CRYBG1: variants seen among roughly 807,000 people sequenced by gnomAD.
CRYBG1 encodes crystallin beta-gamma domain containing 1, also known as beta/gamma crystallin domain-containing protein 1.
In CRYBG1, 139 loss-of-function variants were observed where a neutral mutation model predicts 189.2. That is an observed-to-expected ratio of 0.73 (90% CI 0.64 to 0.85). The LOEUF is 0.85. CRYBG1 is among the 40% of genes least tolerant of loss of function. The pLI is 0.00. For missense variants in CRYBG1, 2,611 were observed against 2,675.8 expected (o/e 0.98, Z 0.53); for synonymous variants, 1,023 against 1,017.1 (o/e 1.01, Z -0.11).
chr6:106,518,168 T>G (rs199588875), intron 3 of CRYBG1, among the ~76,000 whole-genome samples: 1 of 91,482 alleles, frequency 1.1e-5, no homozygotes, highest in Admixed American at 1.1e-4. Flanking sequence ...TTCAAAATAT[T>G]TAATTATGCA....
At chr6:106,552,408 A>G (rs1173210861) in intron 15 of CRYBG1, 192 bp downstream of exon 15, 2 of 296,356 alleles carry the variant, frequency 6.7e-6, no homozygotes, top group Non-Finnish European at 1.3e-5. Flanking sequence ...CAACATGGGG[A>G]AACCCCGTCT....
intron 2 of CRYBG1, among the ~76,000 whole-genome samples, chr6:106,455,826 T>A (rs1771875954): frequency 6.6e-6 from 1 of 152,214 alleles, no homozygotes; most frequent in Non-Finnish European, 1.5e-5. Flanking sequence ...AGCTGCTGTT[T>A]CCCATTTTCT....
At chr6:106,389,354 C>T (rs1432145261) in intron 1 of CRYBG1, among the ~76,000 whole-genome samples, 1 of 151,982 alleles carries the variant, frequency 6.6e-6, no homozygotes, top group Non-Finnish European at 1.5e-5. Context: ...AAATTGGGCA[C>T]CCTTGATTTG....
intron 1 of CRYBG1, among the ~76,000 whole-genome samples, chr6:106,430,553 G>T (rs1049859544): frequency 1.3e-5 from 2 of 152,164 alleles, no homozygotes; most frequent in African/African-American, 4.8e-5. Flanking sequence ...ATGCATCTGG[G>T]ACTTTCTGAG....
At chr6:106,371,936 C>T (rs996200767) in intron 1 of CRYBG1, among the ~76,000 whole-genome samples, 3 of 152,210 alleles carry the variant, frequency 2.0e-5, no homozygotes, top group Middle Eastern at 3.4e-3. Flanking sequence ...TTTTGTATGC[C>T]CATGAGGAAA....
intron 1 of CRYBG1, among the ~76,000 whole-genome samples, chr6:106,401,424 A>G (rs1484967805): frequency 8.1e-6 from 1 of 123,222 alleles, no homozygotes; most frequent in East Asian, 2.4e-4. Context: ...TTTTTATTAT[A>G]CTCTAAGTTT....
At chr6:106,371,711 C>A (rs533685) in intron 1 of CRYBG1, among the ~76,000 whole-genome samples, 1 of 152,078 alleles carries the variant, frequency 6.6e-6, no homozygotes, top group Non-Finnish European at 1.5e-5. Context: ...TTGTCTAAAA[C>A]TAGATTTTGG....
rs1257886402 is a variant in CRYBG1 at position 106,451,652 on chromosome 6, G to T, written c.174-42G>T. The stretch of plus-strand genomic sequence containing the variant: ...TTGGGTTTCTTGAGATTTTGGCATT[G>T]TTCATAGTGTATTGACATGACTGTG... On this transcript the variant is annotated intron_variant, in intron 1 of 21. Transcript: ENST00000633556. The T allele has an allele frequency of 6.1e-6, 9 of 1,487,280 alleles. No individual in the cohort carries two copies. In the South Asian group the frequency reaches 7.8e-5, roughly 13 times the overall value. 92.1% of individuals were successfully genotyped at this position (1,487,280 alleles called of 1,614,324 possible). A position where few individuals can be genotyped will look rare whatever the true frequency, so the allele number is the denominator to read the frequency against.
chr6:106,421,010 C>T (rs1473131470), intron 1 of CRYBG1, among the ~76,000 whole-genome samples: 2 of 152,044 alleles, frequency 1.3e-5, no homozygotes, highest in African/African-American at 2.4e-5. Flanking sequence ...TGGGAGAGAC[C>T]TCTGAGCTTC....
At position 106,512,782 on chromosome 6, in the gene CRYBG1, T is replaced by C; in HGVS notation, c.1665T>C (p.Thr555=). 1 of 1,583,208 alleles carries C rather than the reference T, an allele frequency of 6.3e-7. No homozygotes were observed. The highest frequency in any genetic ancestry group is 2.3e-5 in the East Asian group (1 of 43,452). Residue 555 remains threonine (T), a synonymous_variant, in exon 3 of 22, where the codon ACT becomes ACC. Transcript: ENST00000633556. The part of the protein sequence containing the change: ...VPDPSPVTKG[T]AAESGEEAAR... ...ATCCCAGCCCAGTCACCAAGGGCACTGCGGCCGAGAGCGGGGAGGAGGCGG... is the reference window on the plus strand; with the variant it reads ...ATCCCAGCCCAGTCACCAAGGGCACCGCGGCCGAGAGCGGGGAGGAGGCGG...
intron 2 of CRYBG1, among the ~76,000 whole-genome samples, chr6:106,460,247 T>G (rs964651739): frequency 1.3e-5 from 2 of 152,172 alleles, no homozygotes; most frequent in African/African-American, 4.8e-5. Context: ...CGCCTCTGCC[T>G]CCCAAAGTGC....
At chr6:106,541,228 C>T (rs548712577) in intron 9 of CRYBG1, 24 of 488,518 alleles carry the variant, frequency 4.9e-5, no homozygotes, top group African/African-American at 4.3e-4. Context: ...ATGCAGAAGC[C>T]GAAGACAGTG....
intron 2 of CRYBG1, 80 bp downstream of exon 2, chr6:106,451,912 G>A: frequency 8.0e-7 from 1 of 1,252,504 alleles, no homozygotes; most frequent in Non-Finnish European, 1.1e-6. Flanking sequence ...GCCTGTCTAA[G>A]AAACACATAC....
In CRYBG1 at chr6:106,512,548, C is replaced by T. The variant is rs1031540328; in HGVS notation, c.1431C>T (p.Gly477=). The change falls in exon 3 of 22, where the codon GGC becomes GGT. Residue 477 remains glycine, a synonymous_variant. Transcript: ENST00000633556. ...VKSPRAALDG[G]VASAASPESK... is the part of the protein sequence containing the mutation. ...CTCCGCGGGCAGCCCTCGACGGGGGCGTTGCCTCCGCTGCGAGCCCAGAGT... is the reference window on the plus strand; with the variant it reads ...CTCCGCGGGCAGCCCTCGACGGGGGTGTTGCCTCCGCTGCGAGCCCAGAGT... 5 of 1,607,330 alleles carry T rather than the reference C, an allele frequency of 3.1e-6. No individual in the cohort carries two copies. The African/African-American group carries it at 6.7e-5, about 21-fold the overall frequency.
chr6:106,377,645 A>T (rs940695717), intron 1 of CRYBG1, among the ~76,000 whole-genome samples: 34 of 136,914 alleles, frequency 2.5e-4, no homozygotes, highest in South Asian at 1.5e-3. Flanking sequence ...ATATATATAT[A>T]TATTTTCATT....
intron 3 of CRYBG1, among the ~76,000 whole-genome samples, chr6:106,517,417 TACACATATATATACACAC>T (rs1377826691): frequency 3.8e-5 from 5 of 132,514 alleles, no homozygotes; most frequent in Admixed American, 7.5e-5. Context: ...CACACATATA[TACACATATATATACACAC>T]ACACATATAT....
intron 3 of CRYBG1, among the ~76,000 whole-genome samples, chr6:106,517,855 T>G (rs1216556608): frequency 6.6e-6 from 1 of 152,150 alleles, no homozygotes; most frequent in Admixed American, 6.6e-5. Context: ...ACATTTTGTT[T>G]CTCTGAAAGA....
chr6:106,469,023 T>C (rs936014366), intron 2 of CRYBG1, among the ~76,000 whole-genome samples: 11 of 152,200 alleles, frequency 7.2e-5, no homozygotes, highest in Non-Finnish European at 1.6e-4. Flanking sequence ...AGCGTTCCAT[T>C]TCTCTGTGGT....
intron 2 of CRYBG1, among the ~76,000 whole-genome samples, chr6:106,502,918 AAAG>A (rs1489422720): frequency 6.6e-6 from 1 of 152,226 alleles, no homozygotes; most frequent in Non-Finnish European, 1.5e-5. Flanking sequence ...TCTTTGTCTT[AAAG>A]AAAACTCTCA....
Sources: gnomAD v4.1 joint callset for allele counts (sites outside exome capture counted in the v4.1 genomes callset) on GRCh38, gnomAD v4.1.1 for gene constraint, MANE v1.5 for transcripts, NCBI Gene and HGNC (gene_info 2026-07-23, HGNC 2026-07-21) for gene names.